The following TTN variants were observed in gnomAD, a reference collection of about 807,000 sequenced individuals.
The protein encoded by TTN is connectin.
A neutral mutation model predicts 3,223.0 loss-of-function variants in TTN; 1,525 were observed. The observed-to-expected ratio is 0.47, with a 90% CI of 0.45 to 0.49. TTN has a LOEUF of 0.49. Ranked by LOEUF, TTN falls within the 20% of genes least tolerant of loss-of-function variation. The pLI, the probability that TTN is intolerant of heterozygous loss-of-function variation, is 0.00. For synonymous variants in TTN, 14,094 were observed against 15,161.0 expected (o/e 0.93, Z 5.17); for missense variants, 40,786 against 43,424.0 (o/e 0.94, Z 5.40).
chr2:178,782,108 A>G, intron 20 of TTN, 104 bp downstream of exon 20: 1 of 1,337,372 alleles, frequency 7.5e-7, no homozygotes, highest in Non-Finnish European at 1.1e-6. Context: ...CTCCACAATG[A>G]AAGAGCCTAT....
rs775372762 is a variant in TTN at position 178,730,316 on chromosome 2, C to T, written c.18084G>A (p.Arg6028=). Residue 6028 remains arginine (R), a synonymous_variant, in exon 62 of 363, where the codon AGG becomes AGA. Transcript: ENST00000589042. ...CACCCACAAGAGCCTTTAACTGTAC[C>T]CTTGTGTTGGGATTGACATCTTGTG... ...PQSQDVNPNT[R]VQLKALVGGT... 7 of 1,611,154 alleles carry T rather than the reference C, an allele frequency of 4.3e-6. No homozygotes were observed. The African/African-American group carries it at 6.7e-5, about 15-fold the overall frequency.
intron 127 of TTN, 146 bp from the exon 128 acceptor site, chr2:178,685,744 A>C: frequency 1.4e-6 from 1 of 723,846 alleles, no homozygotes; most frequent in Non-Finnish European, 2.3e-6. Context: ...AAAATACTCA[A>C]AGAGCATTTT....
In TTN at chr2:178,551,091, C is replaced by G. The variant is rs794729532; in HGVS notation, c.91440G>C (p.Gln30480His). Reference protein sequence around the residue: ...RCNFTDVSECQYTVTGLSPGD... With the variant: ...RCNFTDVSECHYTVTGLSPGD... ...CAGGACTGAGTCCTGTAACTGTGTA[C>G]TGACATTCACTGACGTCAGTAAAGT... The change falls in exon 336 of 363, where the codon CAG (glutamine) becomes CAC (histidine). Residue 30480 changes from glutamine to histidine, a missense_variant. Transcript: ENST00000589042. 2.5e-6 allele frequency: 4 copies of G among 1,613,248 alleles called. No individual in the cohort carries two copies. The highest frequency in any genetic ancestry group is 3.3e-5 in the Admixed American group (2 of 59,950).
chr2:178,784,376 TAA>T, intron 15 of TTN, 25 bp from the exon 16 acceptor site: 3 of 1,612,826 alleles, frequency 1.9e-6, no homozygotes, highest in Non-Finnish European at 1.7e-6. Context: ...AGTCAGAAAA[TAA>T]AGTCATTTAA....
chr2:178,748,526 A>G lies in TTN; in HGVS notation c.11311+4598T>C, dbSNP rs758221344. ...TTGGAACTCCAGAGCTGGATCTCCT[A>G]TATGAGAATACATTTGTTTTAGATC... On this transcript the variant is annotated intron_variant, in intron 47 of 362. Coordinates refer to ENST00000589042, the MANE Select transcript of TTN (RefSeq NM_001267550.2). 8.1e-6 allele frequency: 13 copies of G among 1,612,964 alleles called. No homozygotes were observed. In the Admixed American group the frequency reaches 1.0e-4, roughly 12 times the overall value.
chr2:178,653,259 G>T lies in TTN; in HGVS notation c.38770C>A (p.Pro12924Thr). 1 of 1,612,090 alleles carries T rather than the reference G, an allele frequency of 6.2e-7. No homozygotes were observed. The highest frequency in any genetic ancestry group is 8.5e-7 in the Non-Finnish European group (1 of 1,179,330). Residue 12924 changes from proline to threonine, a missense_variant, in exon 198 of 363, where the codon CCT becomes ACT. Transcript: ENST00000589042. ...ATACCTTTAACAGGTGGGACTTCAGGCTTTTTAGGAGGAGCCAAGGGCACT... is the reference window on the plus strand; with the variant it reads ...ATACCTTTAACAGGTGGGACTTCAGTCTTTTTAGGAGGAGCCAAGGGCACT... ...KKVPLAPPKK[P>T]EVPPVKVPEA...
At chr2:178,664,599 C>G (rs1053457010) in intron 167 of TTN, 55 bp downstream of exon 167, 36 of 1,606,032 alleles carry the variant, frequency 2.2e-5, no homozygotes, top group Non-Finnish European at 2.9e-5. Flanking sequence ...TCAGGAAAAA[C>G]ATTTATACAA....
At position 178,727,369 on chromosome 2, in the gene TTN, G is replaced by A. The variant is rs571231816; in HGVS notation, c.19996C>T (p.Pro6666Ser). The change falls in exon 69 of 363, where the codon CCA becomes TCA. Residue 6666 changes from proline (P) to serine (S), a missense_variant and splice_region_variant. Physicochemically the swap from Pro to Ser is moderately conservative, Grantham distance 74. Transcript: ENST00000589042. Reference protein sequence around the residue: ...SCTTMLLVTEPPKFVKKLEAS... With the variant: ...SCTTMLLVTESPKFVKKLEAS... ...TCTAATTTCTTTACAAACTTTGGTG[G>A]TTCTAAAGAGTCAGGAAAGAGGAGA... The A allele has an allele frequency of 2.1e-5, 34 of 1,582,148 alleles. No individual in the cohort carries two copies. The highest frequency in any genetic ancestry group is 4.1e-5 in the African/African-American group (3 of 73,412).
At chr2:178,701,336 A>G (rs2074945418) in intron 110 of TTN, 133 bp from the exon 111 acceptor site, 1 of 1,031,150 alleles carries the variant, frequency 9.7e-7, no homozygotes, top group Non-Finnish European at 1.4e-6. Flanking sequence ...GAACAAATAA[A>G]AGTAGCATTT....
In TTN at chr2:178,653,308, G is replaced by A. The variant is rs780439295; in HGVS notation, c.38721C>T (p.Pro12907=). The A allele has an allele frequency of 3.7e-6, 6 of 1,612,244 alleles. No homozygotes were observed. The highest frequency in any genetic ancestry group is 2.2e-5 in the South Asian group (2 of 90,990). ...CTTTCTTTTCAAGGACAACTTCTTT[G>A]GGAGCCTCTGGCACTTAAAAGATAT... The part of the protein sequence containing the change: ...EVPPVTVPEA[P]KEVVLEKKVP... The change falls in exon 198 of 363, where the codon CCC becomes CCT. Residue 12907 remains proline, a synonymous_variant. Transcript: ENST00000589042.
chr2:178,746,724 C>G lies in TTN; in HGVS notation c.11312-4803G>C, dbSNP rs147492121. On this transcript the variant is annotated intron_variant, in intron 47 of 362. Coordinates refer to ENST00000589042, the MANE Select transcript of TTN (RefSeq NM_001267550.2). Reference sequence around the variant, plus strand: ...ACTCTTTCCATTTTGATTCTTTCATCTGGCTCTAGTAAAGATTTATTTCGA... The same window carrying G: ...ACTCTTTCCATTTTGATTCTTTCATGTGGCTCTAGTAAAGATTTATTTCGA... The G allele has an allele frequency of 2.5e-6, 4 of 1,613,436 alleles. No homozygotes were observed. The East Asian group carries it at 8.9e-5, about 36-fold the overall frequency.
chr2:178,752,152 A>C, intron 47 of TTN: 2 of 930,900 alleles, frequency 2.1e-6, no homozygotes, highest in Non-Finnish European at 3.2e-6. Flanking sequence ...GATCTCACAA[A>C]TCCATAGAAA....
intron 71 of TTN, 120 bp from the exon 72 acceptor site, chr2:178,724,658 G>T (rs775605452): frequency 1.0e-6 from 1 of 998,318 alleles, no homozygotes; most frequent in Non-Finnish European, 1.3e-6. Flanking sequence ...TCTCTCTCTC[G>T]ACTTTAAAGT....
At chr2:178,680,378 C>T (rs1206770392) in intron 138 of TTN, 47 bp from the exon 139 acceptor site, 1 of 1,495,730 alleles carries the variant, frequency 6.7e-7, no homozygotes, top group Non-Finnish European at 9.2e-7. Context: ...TAAAAGGCCA[C>T]CCAGCCAATG....
intron 48 of TTN, among the ~76,000 whole-genome samples, chr2:178,738,714 A>G (rs1022612584): frequency 2.6e-5 from 4 of 152,094 alleles, no homozygotes; most frequent in African/African-American, 9.7e-5. Flanking sequence ...TAAAGTGATG[A>G]AGTGAAACAA....
Position 178,613,955 on chromosome 2 carries a change from G to T in TTN, c.49346-18C>A, listed in dbSNP as rs767324788. 9 of 1,607,002 alleles carry T rather than the reference G, an allele frequency of 5.6e-6. No individual in the cohort carries two copies. The highest frequency in any genetic ancestry group is 6.8e-6 in the Non-Finnish European group (8 of 1,177,534). On this transcript the variant is annotated intron_variant, in intron 262 of 362. Coordinates refer to ENST00000589042, the MANE Select transcript of TTN (RefSeq NM_001267550.2). ...AGGTGGATCTATAGACAGGATAATG[G>T]TGTAAAATGTTATATGTCCTGTATA...
Position 178,599,791 on chromosome 2 carries a change from T to C in TTN, c.56110A>G (p.Ile18704Val). 2 of 1,610,806 alleles carry C rather than the reference T, an allele frequency of 1.2e-6. No homozygotes were observed. The highest frequency in any genetic ancestry group is 2.2e-5 in the East Asian group (1 of 44,618). Reference sequence around the variant, plus strand: ...GGCACACCTTTAATTTTGGCCACAATGTTAACATTGGTTCCTTCTTCAACC... The same window carrying C: ...GGCACACCTTTAATTTTGGCCACAACGTTAACATTGGTTCCTTCTTCAACC... Reference protein sequence around the residue: ...MEVEEGTNVNIVAKIKGVPFP... With the variant: ...MEVEEGTNVNVVAKIKGVPFP... The change falls in exon 289 of 363, where the codon ATT (isoleucine) becomes GTT (valine). Residue 18704 changes from isoleucine (I) to valine (V), a missense_variant. Physicochemically the swap from Ile to Val is conservative, Grantham distance 29. Transcript: ENST00000589042.
intron 47 of TTN, chr2:178,750,958 T>C (rs1467779513): frequency 6.2e-7 from 1 of 1,613,072 alleles, no homozygotes; most frequent in Middle Eastern, 1.7e-4. Context: ...GACTTTCCTT[T>C]ACCAGTGCTT....
In TTN at chr2:178,732,043, C is replaced by G. The variant is rs202241493; in HGVS notation, c.16903+23G>C. 3 of 1,590,104 alleles carry G rather than the reference C, an allele frequency of 1.9e-6. No individual in the cohort carries two copies. The South Asian group carries it at 3.4e-5, about 18-fold the overall frequency. On this transcript the variant is annotated intron_variant, in intron 57 of 362. Transcript: ENST00000589042. ...GCCATGGGCCATAACTTTGGCAACACAAGAGGCAAAGTGAACACAAACCTT... is the reference window on the plus strand; with the variant it reads ...GCCATGGGCCATAACTTTGGCAACAGAAGAGGCAAAGTGAACACAAACCTT...
Sources: allele counts gnomAD v4.1 joint callset (sites outside exome capture counted in the v4.1 genomes callset), GRCh38; gene constraint gnomAD v4.1.1; transcripts MANE v1.5; gene names NCBI Gene and HGNC (gene_info 2026-07-23, HGNC 2026-07-21).